Variants in PTPRK observed in about 807,000 individuals in gnomAD.
PTPRK encodes receptor-type tyrosine-protein phosphatase kappa.
PTPRK carries 75 observed loss-of-function variants against 178.0 expected under a neutral mutation model. The observed-to-expected ratio is 0.42, with a 90% CI of 0.35 to 0.51. The LOEUF (loss-of-function observed/expected upper bound fraction) is 0.51, where lower values mean the gene tolerates loss of function less well. Among genes scored for constraint, PTPRK ranks in the 20% least tolerant of loss-of-function variants. The pLI is 0.02. For synonymous variants in PTPRK, 637 were observed against 620.6 expected, an observed-to-expected ratio of 1.03 and a Z score of -0.39; for missense variants, 1,441 against 1,797.8, an observed-to-expected ratio of 0.80 and a Z score of 3.59.
intron 21 of PTPRK, among the ~76,000 whole-genome samples, chr6:127,990,226 T>C (rs886994962): frequency 1.3e-5 from 2 of 152,062 alleles, no homozygotes; most frequent in African/African-American, 2.4e-5. Context: ...CCTTCACTTA[T>C]GGATATCTGC....
intron 25 of PTPRK, 27 bp downstream of exon 25, chr6:127,981,089 A>T: frequency 6.2e-7 from 1 of 1,603,612 alleles, no homozygotes; most frequent in Non-Finnish European, 8.5e-7. Context: ...ACAACACTCT[A>T]CACTAACAAA....
At chr6:128,061,936 A>T (rs1780909909) in intron 13 of PTPRK, 1 of 152,218 alleles carries the variant, frequency 6.6e-6, no homozygotes, top group Non-Finnish European at 1.5e-5. Flanking sequence ...TTAAATGTAC[A>T]GTTGGACAGA....
At position 127,990,767 on chromosome 6, in the gene PTPRK, A is replaced by G; in HGVS notation, c.3096+2T>C. The G allele has an allele frequency of 6.3e-7, 1 of 1,575,622 alleles. No homozygotes were observed. The highest frequency in any genetic ancestry group is 8.7e-7 in the Non-Finnish European group (1 of 1,146,484). ...TTTAAAATAGAATTTTAGAGTACTT[A>G]CCCTTTCCAGGGTGAATGTCCTAAC... On this transcript the variant is annotated splice_donor_variant, in intron 21 of 29. Coordinates refer to ENST00000368226, the MANE Select transcript of PTPRK (RefSeq NM_002844.4). LOFTEE classifies it high-confidence loss of function.
chr6:128,431,350 T>C (rs1022080509), intron 1 of PTPRK, among the ~76,000 whole-genome samples: 1 of 152,254 alleles, frequency 6.6e-6, no homozygotes, highest in South Asian at 2.1e-4. Flanking sequence ...CAAGCATCCA[T>C]GATAAATAAA....
chr6:128,142,198 T>C (rs1271210044), intron 7 of PTPRK, among the ~76,000 whole-genome samples: 1 of 151,960 alleles, frequency 6.6e-6, no homozygotes, highest in East Asian at 1.9e-4. Flanking sequence ...CTTTCTCTAG[T>C]TATCACCCTA....
At chr6:128,245,210 T>C (rs898234289) in intron 3 of PTPRK, among the ~76,000 whole-genome samples, 2 of 152,218 alleles carry the variant, frequency 1.3e-5, no homozygotes, top group African/African-American at 4.8e-5. Flanking sequence ...GGGAATGGCC[T>C]GAGTCATCCT....
At chr6:128,397,450 G>T in intron 2 of PTPRK, 116 bp downstream of exon 2, 1 of 1,281,304 alleles carries the variant, frequency 7.8e-7, no homozygotes, top group Non-Finnish European at 1.1e-6. Flanking sequence ...TGATCCAGTA[G>T]CACAATAATT....
intron 13 of PTPRK, among the ~76,000 whole-genome samples, chr6:128,040,653 C>G (rs1210275196): frequency 1.3e-5 from 2 of 152,048 alleles, no homozygotes; most frequent in South Asian, 4.1e-4. Flanking sequence ...TGTATTTGTA[C>G]GTAAGGGTTA....
chr6:127,976,860 G>T (rs1290908370), intron 26 of PTPRK, 63 bp downstream of exon 26: 3 of 1,609,680 alleles, frequency 1.9e-6, no homozygotes, highest in Non-Finnish European at 2.5e-6. Flanking sequence ...GCAGATTTTA[G>T]CAATTCATTA....
rs1376590637 is a variant in PTPRK at position 128,121,455 on chromosome 6, G to A, written c.1163-31463C>T. 2.0e-5 allele frequency among the ~76,000 whole-genome samples: 3 copies of A among 151,782 alleles called. No homozygotes were observed. The East Asian group carries it at 5.8e-4, about 29-fold the overall frequency. Reference sequence around the variant, plus strand: ...GTGTGTGTGTGTGTGAGGCTATCCAGGTTTTCAAATATTTCTGGTCAAATG... The same window carrying A: ...GTGTGTGTGTGTGTGAGGCTATCCAAGTTTTCAAATATTTCTGGTCAAATG... On this transcript the variant is annotated intron_variant, in intron 7 of 29. Transcript: ENST00000368226.
chr6:128,443,589 T>C (rs1408614836), intron 1 of PTPRK, among the ~76,000 whole-genome samples: 1 of 152,068 alleles, frequency 6.6e-6, no homozygotes, highest in Admixed American at 6.6e-5. Context: ...TGAAATGCAA[T>C]AAAGTAGAAA....
chr6:128,107,391 C>G (rs1789900667), intron 7 of PTPRK, among the ~76,000 whole-genome samples: 2 of 152,014 alleles, frequency 1.3e-5, no homozygotes, highest in South Asian at 4.1e-4. Context: ...ATTCAATTCT[C>G]TGATGCACCA....
chr6:128,229,922 T>A (rs117456661), intron 5 of PTPRK, among the ~76,000 whole-genome samples: 18 of 152,300 alleles, frequency 1.2e-4, no homozygotes, highest in Non-Finnish European at 2.2e-4. Context: ...AATAGTAGAT[T>A]AGGGGGAGTA....
At chr6:128,167,217 A>G (rs1799543991) in intron 7 of PTPRK, among the ~76,000 whole-genome samples, 1 of 151,906 alleles carries the variant, frequency 6.6e-6, no homozygotes, top group African/African-American at 2.4e-5. Context: ...CACAGCCAGA[A>G]AAAAAATCCA....
intron 7 of PTPRK, among the ~76,000 whole-genome samples, chr6:128,173,009 G>A (rs1266491296): frequency 6.6e-6 from 1 of 151,912 alleles, no homozygotes; most frequent in African/African-American, 2.4e-5. Flanking sequence ...ACAATGAGAA[G>A]TAAGAGAGCA....
chr6:128,301,026 C>A (rs1479999777), intron 3 of PTPRK, among the ~76,000 whole-genome samples: 1 of 151,674 alleles, frequency 6.6e-6, no homozygotes, highest in Non-Finnish European at 1.5e-5. Flanking sequence ...CCTTCCCCAA[C>A]AGGAGAGCTT....
chr6:128,464,638 C>CACACATATATAT (rs1164450520), intron 1 of PTPRK, among the ~76,000 whole-genome samples: 1 of 48,602 alleles, frequency 2.1e-5, no homozygotes, highest in Non-Finnish European at 3.5e-5. Flanking sequence ...TATATATACA[C>CACACATATATAT]ATATATATAT....
At chr6:128,354,737 A>G (rs1412461697) in intron 2 of PTPRK, among the ~76,000 whole-genome samples, 2 of 152,230 alleles carry the variant, frequency 1.3e-5, no homozygotes, top group African/African-American at 2.4e-5. Context: ...CACTAGTATT[A>G]TTCCTGTTTT....
intron 7 of PTPRK, among the ~76,000 whole-genome samples, chr6:128,095,534 A>G (rs1787769927): frequency 6.6e-6 from 1 of 152,142 alleles, no homozygotes. Flanking sequence ...GCCCAACCAG[A>G]AACAGAAACT....
Sources: gnomAD v4.1 joint callset for allele counts (sites outside exome capture counted in the v4.1 genomes callset) on GRCh38, gnomAD v4.1.1 for gene constraint, MANE v1.5 for transcripts, NCBI Gene and HGNC (gene_info 2026-07-23, HGNC 2026-07-21) for gene names.